The following CLTA variants were observed in gnomAD, a reference collection of about 807,000 sequenced individuals.
CLTA encodes clathrin, light polypeptide (Lca).
Under a neutral mutation model 26.9 loss-of-function variants are expected in CLTA, and 9 were observed. The ratio of observed to expected loss-of-function variants is 0.33; its 90% CI spans 0.20 to 0.58. The LOEUF is 0.58. CLTA is among the 20% of genes least tolerant of loss of function. The pLI, the probability that CLTA is intolerant of heterozygous loss-of-function variation, is 0.85. For synonymous variants in CLTA, 120 were observed against 115.5 expected (o/e 1.04, Z -0.25); for missense variants, 278 against 294.2 (o/e 0.94, Z 0.40).
rs191792138 is a variant in CLTA at position 36,202,290 on chromosome 9, A to G, written c.374-1778A>G. 3.9e-5 allele frequency among the ~76,000 whole-genome samples: 6 copies of G among 152,304 alleles called. No homozygotes were observed. The East Asian group carries it at 1.2e-3, about 29-fold the overall frequency. On this transcript the variant is annotated intron_variant, in intron 3 of 4. Transcript: ENST00000345519. The stretch of plus-strand genomic sequence containing the variant: ...CTATTAGGCTTTTTCTTATAGTTAC[A>G]CACAGCCTTTTGCAGGTTGTTACTA...
intron 3 of CLTA, among the ~76,000 whole-genome samples, chr9:36,200,908 T>C (rs561046355): frequency 6.6e-6 from 1 of 152,344 alleles, no homozygotes; most frequent in African/African-American, 2.4e-5. Flanking sequence ...ACAGCTTTGG[T>C]CCTTGCTTGT....
At chr9:36,193,926 A>C (rs1320121329) in intron 1 of CLTA, among the ~76,000 whole-genome samples, 1 of 152,242 alleles carries the variant, frequency 6.6e-6, no homozygotes, top group Non-Finnish European at 1.5e-5. Context: ...TGAAGGAGGC[A>C]GCACAAGTGG....
Position 36,190,949 on chromosome 9 carries a change from T to A in CLTA, c.-108T>A. ...CTTTACCCGTCTCCCTCCTGGCGCT[T>A]GTCCTCCTCTCCCAGTCGGCACCAC... On this transcript the variant is annotated 5_prime_UTR_variant, in exon 1 of 5. Transcript: ENST00000345519. The A allele has an allele frequency of 7.0e-7, 1 of 1,432,186 alleles. No homozygotes were observed. Among genetic ancestry groups the A allele is most frequent in the Non-Finnish European group, 9.1e-7 (1 of 1,101,398 alleles). 88.7% of individuals were successfully genotyped at this position (1,432,186 alleles called of 1,614,324 possible).
intron 4 of CLTA, chr9:36,210,549 C>G: frequency 6.2e-7 from 1 of 1,608,930 alleles, no homozygotes; most frequent in South Asian, 1.1e-5. Context: ...TACTGACCAT[C>G]TGCATTGAGC....
At chr9:36,194,102 T>C (rs552293832) in intron 1 of CLTA, among the ~76,000 whole-genome samples, 4 of 152,200 alleles carry the variant, frequency 2.6e-5, no homozygotes, top group Non-Finnish European at 5.9e-5. Flanking sequence ...CTCGGTTCAC[T>C]GCAACCTCCG....
intron 1 of CLTA, 88 bp from the exon 2 acceptor site, chr9:36,197,463 A>G (rs978911809): frequency 1.2e-6 from 1 of 847,780 alleles, no homozygotes; most frequent in Non-Finnish European, 2.0e-6. Flanking sequence ...AGGTTCATAC[A>G]GCATATGATG....
chr9:36,191,705 G>A (rs990956889), intron 1 of CLTA, among the ~76,000 whole-genome samples: 1 of 152,202 alleles, frequency 6.6e-6, no homozygotes, highest in Admixed American at 6.5e-5. Flanking sequence ...TGGAAATATC[G>A]TTTTTGAGAG....
intron 4 of CLTA, among the ~76,000 whole-genome samples, chr9:36,209,566 C>G (rs967212019): frequency 6.6e-6 from 1 of 152,106 alleles, no homozygotes; most frequent in Admixed American, 6.5e-5. Flanking sequence ...AGCTAACTCG[C>G]TTTCAAAATG....
At chr9:36,203,947 C>A in intron 3 of CLTA, 121 bp from the exon 4 acceptor site, 2 of 1,361,908 alleles carry the variant, frequency 1.5e-6, no homozygotes, top group Admixed American at 2.6e-5. Context: ...TCTTCTCCCC[C>A]AACAGGCACA....
chr9:36,191,308 T>G (rs748446095), intron 1 of CLTA, 35 bp downstream of exon 1: 34 of 1,478,336 alleles, frequency 2.3e-5, no homozygotes, highest in Non-Finnish European at 2.8e-5. Flanking sequence ...CGAGAGGACT[T>G]GTCTGGAAAC....
intron 1 of CLTA, among the ~76,000 whole-genome samples, chr9:36,196,667 A>G (rs1311175972): frequency 6.6e-6 from 1 of 152,026 alleles, no homozygotes. Flanking sequence ...GCAATTCTAC[A>G]CCAAGAAATT....
At chr9:36,199,742 C>T (rs1827294199) in intron 3 of CLTA, among the ~76,000 whole-genome samples, 2 of 152,134 alleles carry the variant, frequency 1.3e-5, no homozygotes, top group South Asian at 4.1e-4. Flanking sequence ...GCGTGAGCCA[C>T]CGCGCCCGGC....
intron 1 of CLTA, among the ~76,000 whole-genome samples, chr9:36,195,769 C>A (rs1785945877): frequency 6.6e-6 from 1 of 152,044 alleles, no homozygotes; most frequent in South Asian, 2.1e-4. Flanking sequence ...GAGTTTGAGA[C>A]CAGCCTGACC....
At chr9:36,204,012 A>G in intron 3 of CLTA, 56 bp from the exon 4 acceptor site, 1 of 1,604,824 alleles carries the variant, frequency 6.2e-7, no homozygotes. Flanking sequence ...AAACTGATGA[A>G]CTTCAGTTTG....
chr9:36,191,772 G>A (rs11998994), intron 1 of CLTA, among the ~76,000 whole-genome samples: 17 of 152,348 alleles, frequency 1.1e-4, no homozygotes, highest in African/African-American at 3.8e-4. Flanking sequence ...TGTACAGAGT[G>A]TTGGATTACG....
At chr9:36,193,048 T>TACA (rs1826826718) in intron 1 of CLTA, among the ~76,000 whole-genome samples, 1 of 152,234 alleles carries the variant, frequency 6.6e-6, no homozygotes, top group Non-Finnish European at 1.5e-5. Context: ...CTGACAGATC[T>TACA]TGGTGACGGG....
At position 36,204,721 on chromosome 9, in the gene CLTA, TTC is replaced by T. The variant is rs546604845; in HGVS notation, c.485+544_485+545del. On this transcript the variant is annotated intron_variant, in intron 4 of 4. Transcript: ENST00000345519. Reference sequence around the variant, plus strand: ...GTCTTGAATTGACTTCTTAAAAATGTTCTGTTTGAAATAGATTTTATTTAGTT... The same window carrying T: ...GTCTTGAATTGACTTCTTAAAAATGTTGTTTGAAATAGATTTTATTTAGTT... Among the ~76,000 whole-genome samples, 323 of 152,354 alleles carry T rather than the reference TTC, an allele frequency of 2.1e-3. 1 individual carries two copies. Among genetic ancestry groups the T allele is most frequent in the African/African-American group, 7.1e-3 (294 of 41,582 alleles).
In CLTA at chr9:36,197,544, C is replaced by T. The variant is rs916936381; in HGVS notation, c.218-7C>T. ...TTATTGATAGACCAAAATCTTATGT[C>T]TTGCAGATGCTGTTGATGGAGTAAT... On this transcript the variant is annotated splice_polypyrimidine_tract_variant and splice_region_variant and intron_variant, in intron 1 of 4. Coordinates refer to ENST00000345519, the MANE Select transcript of CLTA (RefSeq NM_001833.4). The T allele has an allele frequency of 6.2e-7, 1 of 1,610,236 alleles. No homozygotes were observed. The highest frequency in any genetic ancestry group is 1.7e-5 in the Admixed American group (1 of 59,728).
At chr9:36,194,974 T>C (rs1826936567) in intron 1 of CLTA, among the ~76,000 whole-genome samples, 1 of 152,230 alleles carries the variant, frequency 6.6e-6, no homozygotes, top group Non-Finnish European at 1.5e-5. Flanking sequence ...TGAGGATTGC[T>C]TCTTGTTTTG....
Sources: allele counts gnomAD v4.1 joint callset (sites outside exome capture counted in the v4.1 genomes callset), GRCh38; gene constraint gnomAD v4.1.1; transcripts MANE v1.5; gene names NCBI Gene and HGNC (gene_info 2026-07-23, HGNC 2026-07-21).